LARP1B: variants seen among roughly 807,000 people sequenced by gnomAD.
LARP1B encodes la-related protein 1B.
LARP1B carries 76 observed loss-of-function variants against 114.2 expected under a neutral mutation model. The ratio of observed to expected loss-of-function variants is 0.67; its 90% CI spans 0.55 to 0.81. The LOEUF (loss-of-function observed/expected upper bound fraction) is 0.81, where lower values mean the gene tolerates loss of function less well. LARP1B is among the 30% of genes least tolerant of loss of function. The pLI, the probability that LARP1B is intolerant of heterozygous loss-of-function variation, is 0.00. For missense variants in LARP1B, 1,014 were observed against 1,075.8 expected (o/e 0.94, Z 0.80); for synonymous variants, 345 against 348.0 (o/e 0.99, Z 0.10).
intron 15 of LARP1B, among the ~76,000 whole-genome samples, chr4:128,197,477 C>T (rs1341296601): frequency 6.6e-6 from 1 of 152,076 alleles, no homozygotes; most frequent in Admixed American, 6.6e-5. Context: ...GGGCAGATCA[C>T]GAGGTCAAGA....
chr4:128,162,428 T>G (rs1738914320), intron 12 of LARP1B, 111 bp downstream of exon 12: 3 of 934,734 alleles, frequency 3.2e-6, no homozygotes, highest in Admixed American at 2.6e-5. Flanking sequence ...ATTAGGTAAA[T>G]GGTAAAATGC....
chr4:128,175,837 T>C (rs1745631491), intron 12 of LARP1B, among the ~76,000 whole-genome samples: 1 of 152,054 alleles, frequency 6.6e-6, no homozygotes, highest in Admixed American at 6.6e-5. Flanking sequence ...TTAAAACTAC[T>C]TTATTGCCTT....
Position 128,200,577 on chromosome 4 carries a change from T to C in LARP1B, c.2221T>C (p.Trp741Arg). Residue 741 changes from tryptophan (W) to arginine (R), a missense_variant, in exon 17 of 20, where the codon TGG becomes CGG. Trp to Arg is a moderately radical substitution (Grantham distance 101). Transcript: ENST00000326639. ...AGAAATGAATACCCTCTTTCGTTTC[T>C]GGTCCTTTTTCCTCAGAGATCACTT... is the stretch of plus-strand genomic sequence containing the variant. The part of the protein sequence containing the change: ...SQEMNTLFRF[W>R]SFFLRDHFNK... 6.3e-7 allele frequency: 1 copy of C among 1,596,054 alleles called. No individual in the cohort carries two copies. The highest frequency in any genetic ancestry group is 8.5e-7 in the Non-Finnish European group (1 of 1,171,678).
chr4:128,123,102 G>A (rs761990597), intron 11 of LARP1B: 7 of 985,258 alleles, frequency 7.1e-6, no homozygotes, highest in South Asian at 4.7e-5. Context: ...ACTGCCTGTC[G>A]GTGGGGCTTC....
At chr4:128,140,156 G>T (rs193283198) in intron 11 of LARP1B, among the ~76,000 whole-genome samples, 11 of 152,236 alleles carry the variant, frequency 7.2e-5, no homozygotes, top group African/African-American at 2.6e-4. Flanking sequence ...TGTAGTTATG[G>T]GAAATTTAAG....
chr4:128,089,413 G>A (rs1181167741), intron 5 of LARP1B, among the ~76,000 whole-genome samples: 1 of 152,150 alleles, frequency 6.6e-6, no homozygotes, highest in East Asian at 1.9e-4. Flanking sequence ...TCGGCTCACT[G>A]CAACCTCTGC....
At chr4:128,090,853 C>A (rs1360024412) in intron 5 of LARP1B, 148 bp from the exon 6 acceptor site, 3 of 559,980 alleles carry the variant, frequency 5.4e-6, no homozygotes, top group Admixed American at 6.7e-5. Context: ...CTTATTGGAT[C>A]TCTTCAGTTT....
chr4:128,146,331 A>G (rs1246356577), intron 11 of LARP1B, among the ~76,000 whole-genome samples: 2 of 152,224 alleles, frequency 1.3e-5, no homozygotes, highest in Non-Finnish European at 2.9e-5. Flanking sequence ...AACAATGCCA[A>G]TATAGATCAA....
intron 15 of LARP1B, among the ~76,000 whole-genome samples, chr4:128,192,517 A>T (rs949446229): frequency 1.3e-5 from 2 of 152,194 alleles, no homozygotes; most frequent in African/African-American, 2.4e-5. Context: ...AGTTGGGCAA[A>T]ATCTAGCACA....
intron 1 of LARP1B, chr4:128,069,424 C>A (rs75124183): frequency 0.022 from 17,021 of 760,752 alleles, 504 homozygotes; most frequent in East Asian, 0.1. Context: ...TTTCGGCCAC[C>A]ATGGCGAACA....
chr4:128,065,264 T>A (rs1315140611), intron 1 of LARP1B, among the ~76,000 whole-genome samples: 1 of 86,120 alleles, frequency 1.2e-5, no homozygotes, highest in Non-Finnish European at 2.5e-5. Flanking sequence ...TTTCTTTCTT[T>A]CTTTCTTTCT....
At chr4:128,081,279 A>G (rs1453857463) in intron 4 of LARP1B, among the ~76,000 whole-genome samples, 2 of 150,160 alleles carry the variant, frequency 1.3e-5, no homozygotes, top group Admixed American at 6.7e-5. Flanking sequence ...GGGTTTCACC[A>G]TGTTTGCCAG....
intron 1 of LARP1B, chr4:128,061,856 G>A (rs1379127581): frequency 2.0e-6 from 2 of 984,980 alleles, no homozygotes; most frequent in Non-Finnish European, 2.4e-6. Flanking sequence ...GAGGGCCGCG[G>A]CCGCCACTAG....
rs1757875374 is a variant in LARP1B at position 128,207,281 on chromosome 4, T to C, written c.2445T>C (p.Phe815=). Residue 815 remains phenylalanine, a synonymous_variant, in exon 19 of 20, where the codon TTT becomes TTC. Transcript: ENST00000326639. ...GTCAGCTGTATGGACTAGAAAAGTT[T>C]TGGGCTTATTTGAAATATTCTCAAT... ...ESGQLYGLEK[F]WAYLKYSQSK... The C allele has an allele frequency of 1.3e-6, 2 of 1,504,974 alleles. No homozygotes were observed. Among genetic ancestry groups the C allele is most frequent in the Admixed American group, 2.0e-5 (1 of 49,760 alleles). The allele number at this position is 1,504,974 out of a possible 1,614,324, so 93.2% of individuals were successfully genotyped here.
chr4:128,114,886 A>G (rs1785256264), intron 10 of LARP1B, 144 bp downstream of exon 10: 2 of 597,850 alleles, frequency 3.3e-6, no homozygotes, highest in Non-Finnish European at 5.9e-6. Context: ...TTCAGTAGAC[A>G]CTTATGGGTT....
At chr4:128,208,648 A>G (rs914128575) in intron 19 of LARP1B, among the ~76,000 whole-genome samples, 1 of 152,178 alleles carries the variant, frequency 6.6e-6, no homozygotes, top group Non-Finnish European at 1.5e-5. Context: ...GGAGGTTACT[A>G]TCTTAGTTTA....
chr4:128,100,272 GTTTT>G (rs1030345477), intron 8 of LARP1B, among the ~76,000 whole-genome samples: 8 of 149,672 alleles, frequency 5.3e-5, no homozygotes, highest in Admixed American at 5.3e-4. Context: ...GCCTGATTGT[GTTTT>G]TTTGTTTGTT....
Position 128,162,289 on chromosome 4 carries a change from TC to T in LARP1B, c.1622del (p.Pro541LeufsTer2). On this transcript the variant is annotated frameshift_variant, in exon 12 of 20. Transcript: ENST00000326639. LOFTEE classifies it high-confidence loss of function. ...ELPFEPNQEV[P>X]VAPSQSRQGG... is the part of the protein sequence containing the mutation. ...TTCCTTTTGAGCCAAACCAAGAAGT[TC>T]CTGTAGCACCTTCACAGTCCAGGCA... The T allele has an allele frequency of 5.6e-6, 9 of 1,613,256 alleles. No individual in the cohort carries two copies. The highest frequency in any genetic ancestry group is 7.6e-6 in the Non-Finnish European group (9 of 1,179,404).
intron 1 of LARP1B, among the ~76,000 whole-genome samples, chr4:128,072,202 T>C (rs1490731516): frequency 1.3e-5 from 2 of 152,116 alleles, no homozygotes; most frequent in African/African-American, 2.4e-5. Context: ...GGTTTTGCCA[T>C]GTTGGCCAGG....
Sources: gnomAD v4.1 joint callset for allele counts (sites outside exome capture counted in the v4.1 genomes callset) on GRCh38, gnomAD v4.1.1 for gene constraint, MANE v1.5 for transcripts, NCBI Gene and HGNC (gene_info 2026-07-23, HGNC 2026-07-21) for gene names.